GLIPR1: variants seen among roughly 807,000 people sequenced by gnomAD.
The protein encoded by GLIPR1 is GLI pathogenesis related 1, also known as glioma pathogenesis-related protein 1.
GLIPR1 carries 38 observed loss-of-function variants against 30.3 expected under a neutral mutation model. That is an observed-to-expected ratio of 1.26 (90% CI 0.97 to 1.65). The LOEUF (loss-of-function observed/expected upper bound fraction) is 1.65. GLIPR1 is among the 40% of genes most tolerant of loss of function. GLIPR1 has a pLI of 0.00. For missense variants in GLIPR1, 285 were observed against 326.5 expected, an observed-to-expected ratio of 0.87 and a Z score of 0.98; for synonymous variants, 122 against 110.6, an observed-to-expected ratio of 1.10 and a Z score of -0.65.
intron 2 of GLIPR1, among the ~76,000 whole-genome samples, chr12:75,486,944 A>C (rs2046296247): frequency 6.6e-6 from 1 of 152,168 alleles, no homozygotes; most frequent in South Asian, 2.1e-4. Flanking sequence ...AAAATCATAA[A>C]TGTTATTGTA....
chr12:75,480,995 C>A lies in GLIPR1; in HGVS notation c.115C>A (p.Arg39=). The A allele has an allele frequency of 6.2e-7, 1 of 1,613,808 alleles. No homozygotes were observed. The highest frequency in any genetic ancestry group is 8.5e-7 in the Non-Finnish European group (1 of 1,179,734). The part of the protein sequence containing the change: ...ENEDFIKDCV[R]IHNKFRSEVK... ...TGAAGATTTCATCAAAGACTGCGTT[C>A]GAATCCATAACAAGTTCCGATCAGA... Residue 39 remains arginine (R), a synonymous_variant, in exon 1 of 6, where the codon CGA becomes AGA. Coordinates refer to ENST00000266659, the MANE Select transcript of GLIPR1 (RefSeq NM_006851.3).
At chr12:75,492,053 A>C (rs1013955177) in intron 3 of GLIPR1, 9 of 151,986 alleles carry the variant, frequency 5.9e-5, no homozygotes, top group Non-Finnish European at 5.9e-5. Context: ...AAAACTAGAC[A>C]AAGCCATAAT....
chr12:75,499,935 T>TTTAGTTTCAGTA lies in GLIPR1; in HGVS notation c.*958_*969dup, dbSNP rs1179420469. The TTTAGTTTCAGTA allele has an allele frequency of 1.9e-6, 3 of 1,601,770 alleles. No individual in the cohort carries two copies. In the Admixed American group the frequency reaches 5.2e-5, roughly 27 times the overall value. On this transcript the variant is annotated 3_prime_UTR_variant, in exon 6 of 6. Coordinates refer to ENST00000266659, the MANE Select transcript of GLIPR1 (RefSeq NM_006851.3). ...TTTCCTTGATGCTGGCCACATCAAT[T>TTTAGTTTCAGTA]TTAGTTTCAGTAGAAGCTAGACAAA...
chr12:75,489,115 G>A (rs2046307854), intron 2 of GLIPR1, among the ~76,000 whole-genome samples: 1 of 152,108 alleles, frequency 6.6e-6, no homozygotes, highest in Admixed American at 6.5e-5. Context: ...GGTCAAGATG[G>A]GCTATATAAT....
At chr12:75,488,259 C>T (rs528841505) in intron 2 of GLIPR1, among the ~76,000 whole-genome samples, 330 of 152,280 alleles carry the variant, frequency 2.2e-3, no homozygotes, top group Non-Finnish European at 4.1e-3. Flanking sequence ...TTGTTAGGGC[C>T]GGGCATGGTG....
intron 2 of GLIPR1, among the ~76,000 whole-genome samples, chr12:75,487,173 G>C (rs1282034009): frequency 6.6e-6 from 1 of 152,112 alleles, no homozygotes; most frequent in Non-Finnish European, 1.5e-5. Flanking sequence ...GACAATAAAG[G>C]AATAAAGACA....
In GLIPR1 at chr12:75,481,897, A is replaced by C. The variant is rs778700482; in HGVS notation, c.238A>C (p.Asn80His). 2.5e-6 allele frequency: 4 copies of C among 1,614,058 alleles called. No individual in the cohort carries two copies. The change falls in exon 2 of 6, where the codon AAT (asparagine) becomes CAT (histidine). Residue 80 changes from asparagine to histidine, a missense_variant. Transcript: ENST00000266659. The stretch of plus-strand genomic sequence containing the variant: ...GGCCAGCAATTGCCAGTTTTCACAT[A>C]ATACACGGCTGAAGCCACCCCACAA... ...AWASNCQFSH[N>H]TRLKPPHKLH...
chr12:75,498,628 T>A (rs2046366650), intron 4 of GLIPR1, 66 bp from the exon 5 acceptor site: 1 of 1,307,898 alleles, frequency 7.6e-7, no homozygotes, highest in African/African-American at 1.5e-5. Flanking sequence ...CTTAGCTTTT[T>A]AAAATAAAAC....
In GLIPR1 at chr12:75,498,943, C is replaced by T. The variant is rs1406831512; in HGVS notation, c.766C>T (p.Gln256Ter). The stretch of plus-strand genomic sequence containing the variant: ...GTCTGTTATAATTACCATTTTGGTA[C>T]AGCACAAGTACCCTAATTTAGTTCT... ...ILSVIITILVQHKYPNLVLLD is the reference protein window; with the variant it reads ...ILSVIITILV The change falls in exon 6 of 6, where the codon CAG (glutamine) becomes TAG (stop). Residue 256 changes from glutamine (Q) to a stop codon, truncating the protein, a stop_gained. Coordinates refer to ENST00000266659, the MANE Select transcript of GLIPR1 (RefSeq NM_006851.3). LOFTEE classifies it high-confidence loss of function. 3.1e-6 allele frequency: 5 copies of T among 1,608,378 alleles called. No individual in the cohort carries two copies. Among genetic ancestry groups the T allele is most frequent in the Admixed American group, 1.7e-5 (1 of 59,516 alleles).
chr12:75,490,313 G>C (rs1172634744), intron 2 of GLIPR1, 93 bp from the exon 3 acceptor site: 2 of 707,672 alleles, frequency 2.8e-6, no homozygotes, highest in Non-Finnish European at 4.9e-6. Flanking sequence ...ACTCTAACTA[G>C]AGTGGTATAC....
rs775562405 is a variant in GLIPR1, at chr12:75,499,013, C to T, written c.*35C>T. 2 of 1,460,070 alleles carry T rather than the reference C, an allele frequency of 1.4e-6. No homozygotes were observed. Among genetic ancestry groups the T allele is most frequent in the Admixed American group, 4.8e-5 (2 of 41,776 alleles). The allele number at this position is 1,460,070 out of a possible 1,614,324, so 90.4% of individuals were successfully genotyped here. On this transcript the variant is annotated 3_prime_UTR_variant, in exon 6 of 6. Transcript: ENST00000266659. Reference sequence around the variant, plus strand: ...GGAAAGAAAAAACCCAAAAACCAACCTCATTCACATATGGCTTTTTTTTTA... The same window carrying T: ...GGAAAGAAAAAACCCAAAAACCAACTTCATTCACATATGGCTTTTTTTTTA...
chr12:75,499,151 T>C lies in GLIPR1; in HGVS notation c.*173T>C. 2.2e-6 allele frequency: 1 copy of C among 458,584 alleles called. No homozygotes were observed. Among genetic ancestry groups the C allele is most frequent in the Middle Eastern group, 5.8e-4 (1 of 1,720 alleles). 28.4% of individuals were successfully genotyped at this position (458,584 alleles called of 1,614,324 possible). On this transcript the variant is annotated 3_prime_UTR_variant, in exon 6 of 6. Coordinates refer to ENST00000266659, the MANE Select transcript of GLIPR1 (RefSeq NM_006851.3). Reference sequence around the variant, plus strand: ...TTCCTAACTCTATCAGATAAACTCATCTTTAGTATAAATAAGCATTATTTG... The same window carrying C: ...TTCCTAACTCTATCAGATAAACTCACCTTTAGTATAAATAAGCATTATTTG...
At chr12:75,486,316 TA>T (rs57214608) in intron 2 of GLIPR1, among the ~76,000 whole-genome samples, 53,124 of 149,368 alleles carry the variant, frequency 0.36, 9,658 homozygotes, top group East Asian at 0.45. Context: ...ACCTGCCTGA[TA>T]AAAAAAAAAA....
intron 2 of GLIPR1, among the ~76,000 whole-genome samples, chr12:75,488,468 C>T (rs1489133533): frequency 5.3e-5 from 8 of 151,982 alleles, no homozygotes; most frequent in African/African-American, 7.3e-5. Context: ...ACCTGGGAGG[C>T]GGAGGTTGCA....
intron 2 of GLIPR1, chr12:75,487,929 T>A: frequency 3.0e-6 from 1 of 333,042 alleles, no homozygotes. Context: ...TATTTCTTGA[T>A]GATATGTTAA....
chr12:75,482,759 C>T lies in GLIPR1; in HGVS notation c.420+680C>T, dbSNP rs911441964. On this transcript the variant is annotated intron_variant, in intron 2 of 5. Coordinates refer to ENST00000266659, the MANE Select transcript of GLIPR1 (RefSeq NM_006851.3). ...TTTTACTCAAGCTGATTCTGGCTCCCTAACCCTACCTCACATTTGCAGCAT... is the reference window on the plus strand; with the variant it reads ...TTTTACTCAAGCTGATTCTGGCTCCTTAACCCTACCTCACATTTGCAGCAT... Among the ~76,000 whole-genome samples the T allele has an allele frequency of 1.3e-4, 19 of 151,022 alleles. No homozygotes were observed. The East Asian group carries it at 3.7e-3, about 29-fold the overall frequency.
At position 75,502,084 on chromosome 12, in the gene GLIPR1, T is replaced by C; in HGVS notation, c.*3106T>C. On this transcript the variant is annotated 3_prime_UTR_variant, in exon 6 of 6. Transcript: ENST00000266659. ...TAAGCAAGTCACAATATCCTTAGGG[T>C]AAAAACAATGGGGTCAAACTGATTT... 9.2e-7 allele frequency: 1 copy of C among 1,082,884 alleles called. No individual in the cohort carries two copies. The highest frequency in any genetic ancestry group is 1.4e-6 in the Non-Finnish European group (1 of 713,416). The allele number at this position is 1,082,884 out of a possible 1,614,324, so 67.1% of individuals were successfully genotyped here.
chr12:75,502,194 C>A lies in GLIPR1; in HGVS notation c.*3216C>A. ...ACAAAAGTGTGGAGGTAGGAAAGCA[C>A]CTCCATGGAATACAACCCAGAGTAG... is the stretch of plus-strand genomic sequence containing the variant. On this transcript the variant is annotated 3_prime_UTR_variant, in exon 6 of 6. Coordinates refer to ENST00000266659, the MANE Select transcript of GLIPR1 (RefSeq NM_006851.3). 1 of 543,352 alleles carries A rather than the reference C, an allele frequency of 1.8e-6. No homozygotes were observed. Among genetic ancestry groups the A allele is most frequent in the East Asian group, 3.1e-5 (1 of 32,760 alleles). 33.7% of individuals were successfully genotyped at this position (543,352 alleles called of 1,614,324 possible).
chr12:75,498,401 T>G (rs2046365055), intron 4 of GLIPR1: 3 of 230,816 alleles, frequency 1.3e-5, no homozygotes, highest in African/African-American at 6.8e-5. Flanking sequence ...TAATTTTTAT[T>G]TTTTAAATTT....
Sources: gnomAD v4.1 joint callset for allele counts (sites outside exome capture counted in the v4.1 genomes callset) on GRCh38, gnomAD v4.1.1 for gene constraint, MANE v1.5 for transcripts, NCBI Gene and HGNC (gene_info 2026-07-23, HGNC 2026-07-21) for gene names.